PLCB1: variants seen among roughly 807,000 people sequenced by gnomAD.
The protein encoded by PLCB1 is 1-phosphatidylinositol 4,5-bisphosphate phosphodiesterase beta-1.
PLCB1 carries 46 observed loss-of-function variants against 161.8 expected under a neutral mutation model. That is an observed-to-expected ratio of 0.28 (90% CI 0.22 to 0.36). The LOEUF (loss-of-function observed/expected upper bound fraction) is 0.36. PLCB1 is among the 10% of genes least tolerant of loss of function. The probability of loss-of-function intolerance (pLI) is 1.00; values close to 1 mark genes in which losing one functional copy is unlikely to be tolerated. For synonymous variants in PLCB1, 517 were observed against 503.7 expected (o/e 1.03, Z -0.35); for missense variants, 1,016 against 1,472.5 (o/e 0.69, Z 5.07).
At chr20:8,521,548 A>G (rs1360171383) in intron 3 of PLCB1, among the ~76,000 whole-genome samples, 1 of 152,102 alleles carries the variant, frequency 6.6e-6, no homozygotes, top group Non-Finnish European at 1.5e-5. Flanking sequence ...TATAAAAAGT[A>G]GCAAAAATTA....
intron 3 of PLCB1, among the ~76,000 whole-genome samples, chr20:8,483,251 C>A (rs2122751155): frequency 6.6e-6 from 1 of 152,276 alleles, no homozygotes; most frequent in Middle Eastern, 3.4e-3. Context: ...GTGCAATGTG[C>A]CCTCTAGAGA....
At chr20:8,685,132 A>C in intron 10 of PLCB1, 54 bp downstream of exon 10, 1 of 1,509,874 alleles carries the variant, frequency 6.6e-7, no homozygotes, top group Non-Finnish European at 9.2e-7. Flanking sequence ...AATTTCACCA[A>C]CCTCTACTTT....
chr20:8,882,052 T>G lies in PLCB1; in HGVS notation c.*203T>G, dbSNP rs1026555141. On this transcript the variant is annotated 3_prime_UTR_variant, in exon 32 of 32. Transcript: ENST00000338037. Reference sequence around the variant, plus strand: ...TGTCATGTGGAAACCTCCACAGGTCTGCTAGTGAAGAATGCATGTATGTGA... The same window carrying G: ...TGTCATGTGGAAACCTCCACAGGTCGGCTAGTGAAGAATGCATGTATGTGA... 2.1e-5 allele frequency: 12 copies of G among 560,942 alleles called. No homozygotes were observed. The South Asian group carries it at 2.8e-4, about 13-fold the overall frequency. 34.7% of individuals were successfully genotyped at this position (560,942 alleles called of 1,614,324 possible).
intron 3 of PLCB1, among the ~76,000 whole-genome samples, chr20:8,489,900 G>A (rs1251681278): frequency 6.6e-6 from 1 of 152,196 alleles, no homozygotes; most frequent in African/African-American, 2.4e-5. Context: ...GGGCACCAGA[G>A]GTTCCACTGG....
chr20:8,674,728 G>A (rs952562193), intron 9 of PLCB1, among the ~76,000 whole-genome samples: 4 of 152,252 alleles, frequency 2.6e-5, no homozygotes, highest in Non-Finnish European at 5.9e-5. Flanking sequence ...TCCTAGACTT[G>A]AGGACAAGGA....
intron 3 of PLCB1, among the ~76,000 whole-genome samples, chr20:8,436,693 G>T (rs1344121004): frequency 2.0e-5 from 3 of 152,084 alleles, no homozygotes; most frequent in Non-Finnish European, 4.4e-5. Context: ...GATTCCACCT[G>T]TTCCAGTGAA....
intron 3 of PLCB1, among the ~76,000 whole-genome samples, chr20:8,447,852 G>C (rs968347056): frequency 6.6e-6 from 1 of 152,178 alleles, no homozygotes; most frequent in South Asian, 2.1e-4. Flanking sequence ...GTCACAACAT[G>C]ACCCTTAATT....
At chr20:8,402,863 T>A (rs868863856) in intron 3 of PLCB1, among the ~76,000 whole-genome samples, 21 of 151,950 alleles carry the variant, frequency 1.4e-4, no homozygotes, top group African/African-American at 4.6e-4. Context: ...AAAAAAAAAA[T>A]TTAAAAAAAG....
chr20:8,501,990 T>C (rs753952228), intron 3 of PLCB1, among the ~76,000 whole-genome samples: 3 of 149,384 alleles, frequency 2.0e-5, no homozygotes, highest in Non-Finnish European at 4.4e-5. Context: ...TTCTAAGGAA[T>C]GCAATTCCAA....
intron 2 of PLCB1, among the ~76,000 whole-genome samples, chr20:8,173,615 C>G (rs549517590): frequency 2.4e-4 from 36 of 152,226 alleles, no homozygotes; most frequent in African/African-American, 8.7e-4. Flanking sequence ...GCTCATCATA[C>G]TAAGAGCTGA....
At chr20:8,634,513 C>T (rs1343221657) in intron 4 of PLCB1, among the ~76,000 whole-genome samples, 1 of 152,146 alleles carries the variant, frequency 6.6e-6, no homozygotes, top group Non-Finnish European at 1.5e-5. Context: ...CATCTCTTTC[C>T]TGCTCCCCAT....
chr20:8,322,889 T>G (rs1984979929), intron 2 of PLCB1, among the ~76,000 whole-genome samples: 1 of 152,156 alleles, frequency 6.6e-6, no homozygotes, highest in African/African-American at 2.4e-5. Context: ...TTGAATTGTT[T>G]GAGGCTGTAC....
chr20:8,590,161 G>T (rs564491059), intron 3 of PLCB1, among the ~76,000 whole-genome samples: 2 of 152,238 alleles, frequency 1.3e-5, no homozygotes, highest in Non-Finnish European at 2.9e-5. Flanking sequence ...AAAGGGCCTG[G>T]TAGGAGCCTG....
chr20:8,518,712 A>G (rs1038382744), intron 3 of PLCB1, among the ~76,000 whole-genome samples: 2 of 152,118 alleles, frequency 1.3e-5, no homozygotes, highest in African/African-American at 4.8e-5. Context: ...TGGTTTCAGG[A>G]TGATTCGAGT....
At chr20:8,340,103 G>T (rs1332482371) in intron 2 of PLCB1, among the ~76,000 whole-genome samples, 10 of 152,144 alleles carry the variant, frequency 6.6e-5, no homozygotes, top group Admixed American at 5.2e-4. Flanking sequence ...ACATATGATT[G>T]GTTTTCCAAC....
chr20:8,798,573 T>TACAC (rs10565621), intron 31 of PLCB1, among the ~76,000 whole-genome samples: 11 of 151,084 alleles, frequency 7.3e-5, no homozygotes, highest in African/African-American at 2.2e-4. Context: ...CATACACACA[T>TACAC]ACACACACAC....
At chr20:8,168,939 A>G (rs542520730) in intron 2 of PLCB1, among the ~76,000 whole-genome samples, 2 of 152,270 alleles carry the variant, frequency 1.3e-5, no homozygotes, top group South Asian at 4.1e-4. Flanking sequence ...GGCCCACAAC[A>G]TGCATTTTTC....
At chr20:8,546,367 G>A (rs1985550421) in intron 3 of PLCB1, among the ~76,000 whole-genome samples, 1 of 150,530 alleles carries the variant, frequency 6.6e-6, no homozygotes, top group South Asian at 2.1e-4. Flanking sequence ...TGATTTCCTG[G>A]TCCAGTGATC....
intron 31 of PLCB1, among the ~76,000 whole-genome samples, chr20:8,804,559 T>G (rs1220946748): frequency 6.6e-6 from 1 of 152,224 alleles, no homozygotes; most frequent in Non-Finnish European, 1.5e-5. Flanking sequence ...AACAAAACGT[T>G]CTTTTATAAT....
Sources: gnomAD v4.1 joint callset for allele counts (sites outside exome capture counted in the v4.1 genomes callset) on GRCh38, gnomAD v4.1.1 for gene constraint, MANE v1.5 for transcripts, NCBI Gene and HGNC (gene_info 2026-07-23, HGNC 2026-07-21) for gene names.